Variants in CGGBP1 observed in about 807,000 individuals in gnomAD.
The protein encoded by CGGBP1 is CGG triplet repeat-binding protein 1.
CGGBP1 carries 4 observed loss-of-function variants against 11.4 expected under a neutral mutation model. The ratio of observed to expected loss-of-function variants is 0.35; its 90% CI spans 0.17 to 0.80. CGGBP1 has a LOEUF of 0.80. Among genes scored for constraint, CGGBP1 ranks in the 30% least tolerant of loss-of-function variants. The probability of loss-of-function intolerance (pLI) is 0.52; values close to 1 mark genes in which losing one functional copy is unlikely to be tolerated. For missense variants in CGGBP1, 135 were observed against 202.1 expected (o/e 0.67, Z 2.01); for synonymous variants, 76 against 74.1 (o/e 1.03, Z -0.13).
upstream of CGGBP1, chr3:88,059,624 G>A: frequency 7.2e-7 from 1 of 1,382,480 alleles, no homozygotes; most frequent in Non-Finnish European, 9.4e-7. Context: ...CCAACAAGGA[G>A]GGTGAGGCTG....
At position 88,053,073 on chromosome 3, in the gene CGGBP1, C is replaced by T. The variant is rs1706462861; in HGVS notation, c.*2400G>A. On this transcript the variant is annotated 3_prime_UTR_variant, in exon 4 of 4. Transcript: ENST00000482016. ...CTATTTTTCCAATAGTATAGCATCA[C>T]ACTAACACTATATAGTTAAGATTGA... The T allele has an allele frequency of 6.6e-6, 1 of 152,528 alleles. No homozygotes were observed. Among genetic ancestry groups the T allele is most frequent in the South Asian group, 2.1e-4 (1 of 4,830 alleles). 9.4% of individuals were successfully genotyped at this position (152,528 alleles called of 1,614,324 possible). A position where few individuals can be genotyped will look rare whatever the true frequency, so the allele number is the denominator to read the frequency against.
chr3:88,143,272 T>G (rs1707212580), intron 1 of CGGBP1: 1 of 152,222 alleles, frequency 6.6e-6, no homozygotes. Flanking sequence ...CAGCATTCAC[T>G]ACTATGCAAT....
At chr3:88,083,522 C>G (rs1049784691) in intron 2 of CGGBP1, among the ~76,000 whole-genome samples, 1 of 152,156 alleles carries the variant, frequency 6.6e-6, no homozygotes, top group Non-Finnish European at 1.5e-5. Flanking sequence ...TAGCGTGCTT[C>G]TGGCCTTGGC....
chr3:88,067,927 T>TA (rs1707294019), intron 2 of CGGBP1, among the ~76,000 whole-genome samples: 1 of 151,968 alleles, frequency 6.6e-6, no homozygotes, highest in Admixed American at 6.6e-5. Flanking sequence ...TGTGTACACT[T>TA]AAAATCTGGT....
chr3:88,077,494 G>A (rs1360955909), intron 2 of CGGBP1, among the ~76,000 whole-genome samples: 2 of 86,846 alleles, frequency 2.3e-5, no homozygotes, highest in East Asian at 3.8e-4. Context: ...CACCACGCCC[G>A]GCTAATTTTT....
In CGGBP1 at chr3:88,052,055, C is replaced by T. The variant is rs1027826657; in HGVS notation, c.*3418G>A. The T allele has an allele frequency of 1.2e-4, 18 of 152,316 alleles. No individual in the cohort carries two copies. The highest frequency in any genetic ancestry group is 2.4e-5 in the African/African-American group (1 of 41,346). The allele number at this position is 152,316 out of a possible 1,614,324, so 9.4% of individuals were successfully genotyped here. On this transcript the variant is annotated 3_prime_UTR_variant, in exon 4 of 4. Coordinates refer to ENST00000482016, the MANE Select transcript of CGGBP1 (RefSeq NM_001008390.2). ...GAAATTTATTTCTAAAAGTCAGAGA[C>T]AAAACTTTAGAAGTGACACATTTAT...
At chr3:88,128,854 G>A (rs2107833243) in intron 2 of CGGBP1, 1 of 1,535,342 alleles carries the variant, frequency 6.5e-7, no homozygotes, top group Non-Finnish European at 8.7e-7. Flanking sequence ...TTTGAACTAC[G>A]TGCCAGATAC....
At chr3:88,140,217 G>C (rs765051581) in intron 2 of CGGBP1, 1 of 1,613,816 alleles carries the variant, frequency 6.2e-7, no homozygotes, top group Non-Finnish European at 8.5e-7. Context: ...TAGTTTTCCA[G>C]AATGCCATGA....
intron 1 of CGGBP1, among the ~76,000 whole-genome samples, chr3:88,141,324 A>AT (rs1707117282): frequency 9.7e-6 from 1 of 103,080 alleles, no homozygotes; most frequent in Admixed American, 1.1e-4. Context: ...GGTTTTTCAT[A>AT]TTCTTTGATT....
At chr3:88,081,693 GT>G (rs1414679579) in intron 2 of CGGBP1, among the ~76,000 whole-genome samples, 1 of 152,150 alleles carries the variant, frequency 6.6e-6, no homozygotes, top group Non-Finnish European at 1.5e-5. Flanking sequence ...ATATCCTGTT[GT>G]TTTTCACAGC....
chr3:88,085,709 T>G (rs1160345777), intron 2 of CGGBP1, among the ~76,000 whole-genome samples: 1 of 152,188 alleles, frequency 6.6e-6, no homozygotes, highest in Non-Finnish European at 1.5e-5. Context: ...CCTACCCAGA[T>G]TCATAAAACT....
intron 2 of CGGBP1, among the ~76,000 whole-genome samples, chr3:88,082,307 A>T (rs1708119609): frequency 6.6e-6 from 1 of 152,102 alleles, no homozygotes; most frequent in Non-Finnish European, 1.5e-5. Flanking sequence ...TTATATTTTT[A>T]GTAGTGACAG....
intron 2 of CGGBP1, among the ~76,000 whole-genome samples, chr3:88,122,527 T>G (rs1401749427): frequency 6.6e-6 from 1 of 152,142 alleles, no homozygotes. Context: ...AAATGTATTC[T>G]GAAAGAAGTG....
intron 1 of CGGBP1, chr3:88,143,452 T>C (rs1389214698): frequency 1.3e-5 from 2 of 152,332 alleles, no homozygotes; most frequent in African/African-American, 2.4e-5. Context: ...ATGTAATGAT[T>C]TTTATTTTAG....
chr3:88,068,030 A>C (rs1707301438), intron 2 of CGGBP1, among the ~76,000 whole-genome samples: 1 of 152,216 alleles, frequency 6.6e-6, no homozygotes, highest in Non-Finnish European at 1.5e-5. Context: ...GACAACACTC[A>C]AAGCACAAGT....
At chr3:88,132,473 CA>C (rs1706524039) in intron 2 of CGGBP1, among the ~76,000 whole-genome samples, 1 of 152,158 alleles carries the variant, frequency 6.6e-6, no homozygotes, top group Non-Finnish European at 1.5e-5. Flanking sequence ...AGAAGACTGT[CA>C]ATGGTTTTCA....
At chr3:88,060,031 G>C (rs550819711), upstream of CGGBP1, among the ~76,000 whole-genome samples, 1 of 152,020 alleles carries the variant, frequency 6.6e-6, no homozygotes, top group East Asian at 1.9e-4. Context: ...ATCCCGCTGG[G>C]CCGGTTCTCC....
rs1387931253 is a variant in CGGBP1 at position 88,130,695 on chromosome 3, A to G, written c.-229+10275T>C. ...GGTTTGGAACTCCTTGGGCTCAAGT[A>G]AATCTGCCCTCCTCAGCCTCCCAAA... is the stretch of plus-strand genomic sequence containing the variant. On this transcript the variant is annotated intron_variant, in intron 2 of 3. Coordinates refer to the CGGBP1 transcript ENST00000462901. Among the ~76,000 whole-genome samples the G allele has an allele frequency of 3.3e-5, 5 of 150,248 alleles. No homozygotes were observed. In the East Asian group the frequency reaches 9.8e-4, roughly 30 times the overall value.
chr3:88,113,767 C>T (rs1176460017), intron 2 of CGGBP1, among the ~76,000 whole-genome samples: 3 of 151,764 alleles, frequency 2.0e-5, no homozygotes, highest in African/African-American at 7.3e-5. Flanking sequence ...TGAGCTCCCC[C>T]TAGGGGTGAA....
Sources: gnomAD v4.1 joint callset for allele counts (sites outside exome capture counted in the v4.1 genomes callset) on GRCh38, gnomAD v4.1.1 for gene constraint, MANE v1.5 for transcripts, NCBI Gene and HGNC (gene_info 2026-07-23, HGNC 2026-07-21) for gene names.